The following SLC44A5 variants were observed in gnomAD, a reference collection of about 807,000 sequenced individuals.
The protein encoded by SLC44A5 is solute carrier family 44 member 5.
In SLC44A5, 57 loss-of-function variants were observed where a neutral mutation model predicts 101.8. That is an observed-to-expected ratio of 0.56 (90% CI 0.45 to 0.70). The LOEUF (loss-of-function observed/expected upper bound fraction) is 0.70. Among genes scored for constraint, SLC44A5 ranks in the 30% least tolerant of loss-of-function variants. SLC44A5 has a pLI of 0.00. For synonymous variants in SLC44A5, 281 were observed against 290.9 expected (o/e 0.97, Z 0.35); for missense variants, 737 against 853.1 (o/e 0.86, Z 1.70).
Position 75,219,374 on chromosome 1 carries a change from T to C in SLC44A5, c.1179-30A>G, listed in dbSNP as rs1647029878. The C allele has an allele frequency of 2.1e-6, 3 of 1,441,282 alleles. No homozygotes were observed. In the African/African-American group the frequency reaches 4.2e-5, roughly 20 times the overall value. 89.3% of individuals were successfully genotyped at this position (1,441,282 alleles called of 1,614,324 possible). A position where few individuals can be genotyped will look rare whatever the true frequency, so the allele number is the denominator to read the frequency against. On this transcript the variant is annotated intron_variant, in intron 15 of 23. Transcript: ENST00000370859. ...ATAAACTCCATTAAGGATAAACCAT[T>C]TGCTGGTAGATTGAAAATAAATGGA...
chr1:75,590,699 T>C (rs1348161704), intron 1 of SLC44A5, among the ~76,000 whole-genome samples: 1 of 152,128 alleles, frequency 6.6e-6, no homozygotes, highest in African/African-American at 2.4e-5. Context: ...GTGGTGGCTA[T>C]GGGGTGAGGT....
Position 75,219,238 on chromosome 1 carries a change from AAG to A in SLC44A5, c.1266+17_1266+18del. The A allele has an allele frequency of 1.3e-6, 2 of 1,518,912 alleles. No individual in the cohort carries two copies. Among genetic ancestry groups the A allele is most frequent in the African/African-American group, 2.7e-5 (2 of 73,054 alleles). The allele number at this position is 1,518,912 out of a possible 1,614,324, so 94.1% of individuals were successfully genotyped here. A position where few individuals can be genotyped will look rare whatever the true frequency, so the allele number is the denominator to read the frequency against. On this transcript the variant is annotated intron_variant, in intron 16 of 23. Transcript: ENST00000370859. The stretch of plus-strand genomic sequence containing the variant: ...AGTCTATATTGAAGTAAGTAAATGA[AAG>A]AGTTTCTTGTACTTACCTCTGGGTC...
chr1:75,367,567 T>A (rs1488239416), intron 3 of SLC44A5, among the ~76,000 whole-genome samples: 1 of 152,216 alleles, frequency 6.6e-6, no homozygotes, highest in African/African-American at 2.4e-5. Context: ...GGTCACATAC[T>A]GCTTCAGAGT....
chr1:75,407,682 C>A (rs1442727860), intron 2 of SLC44A5, among the ~76,000 whole-genome samples: 1 of 152,144 alleles, frequency 6.6e-6, no homozygotes, highest in Non-Finnish European at 1.5e-5. Flanking sequence ...AATTTGACCC[C>A]TTCTTTATAC....
intron 4 of SLC44A5, among the ~76,000 whole-genome samples, chr1:75,302,104 G>GTTTTTTTATTTTTT (rs1204998592): frequency 2.0e-5 from 1 of 49,588 alleles, no homozygotes; most frequent in African/African-American, 9.5e-5. Context: ...AGGTGCTCTA[G>GTTTTTTTATTTTTT]TTTTTTTGTT....
chr1:75,324,691 A>G (rs1018357978), intron 4 of SLC44A5, among the ~76,000 whole-genome samples: 2 of 152,204 alleles, frequency 1.3e-5, no homozygotes, highest in African/African-American at 4.8e-5. Context: ...GCCCTTCCTC[A>G]GGAATTTGTA....
Position 75,477,866 on chromosome 1 carries a change from G to A in SLC44A5, c.13+63569C>T, listed in dbSNP as rs536602113. 2.9e-3 allele frequency among the ~76,000 whole-genome samples: 444 copies of A among 152,090 alleles called. 4 individuals are homozygous for A. In the Middle Eastern group the frequency reaches 0.044, roughly 15 times the overall value. On this transcript the variant is annotated intron_variant, in intron 2 of 23. Transcript: ENST00000370859. ...CAGGAGAACTTCCCCAATCTAGCAA[G>A]GCAGGCCAACATTCAGATTCAGGAA...
At chr1:75,551,122 A>G (rs1223846560) in intron 1 of SLC44A5, among the ~76,000 whole-genome samples, 2 of 152,120 alleles carry the variant, frequency 1.3e-5, no homozygotes, top group Non-Finnish European at 2.9e-5. Flanking sequence ...CTTATTCCGT[A>G]TGCTGATTCT....
At chr1:75,330,144 C>CATATGCGTATATGCATAT (rs1656922594) in intron 4 of SLC44A5, among the ~76,000 whole-genome samples, 1 of 100,674 alleles carries the variant, frequency 9.9e-6, no homozygotes, top group African/African-American at 2.7e-5. Flanking sequence ...CACACACATG[C>CATATGCGTATATGCATAT]ATATACGTAT....
rs1168617217 is a variant in SLC44A5, at chr1:75,281,609, G to C, written c.176-6567C>G. Among the ~76,000 whole-genome samples, 3 of 128,812 alleles carry C rather than the reference G, an allele frequency of 2.3e-5. No homozygotes were observed. In the Admixed American group the frequency reaches 2.8e-4, roughly 12 times the overall value. 84.5% of individuals were successfully genotyped at this position (128,812 alleles called of 152,430 possible). A position where few individuals can be genotyped will look rare whatever the true frequency, so the allele number is the denominator to read the frequency against. On this transcript the variant is annotated intron_variant, in intron 5 of 23. Transcript: ENST00000370859. ...GATCACAGGCTCAGAACCTAAGAGG[G>C]GAAATTGTTTCCTGGGCTGGTGCCA...
chr1:75,338,280 T>C (rs1238131316), intron 4 of SLC44A5, among the ~76,000 whole-genome samples: 2 of 152,166 alleles, frequency 1.3e-5, no homozygotes, highest in Non-Finnish European at 2.9e-5. Flanking sequence ...ACTACACGGT[T>C]CCGTCATTAA....
the SLC44A5 span, among the ~76,000 whole-genome samples, chr1:75,692,441 C>A: frequency 6.6e-6 from 1 of 151,902 alleles, no homozygotes; most frequent in East Asian, 1.9e-4. Context: ...GTGATCCGCC[C>A]GCCTCAGCCT....
At chr1:75,367,346 T>C (rs1427517061) in intron 3 of SLC44A5, among the ~76,000 whole-genome samples, 1 of 152,106 alleles carries the variant, frequency 6.6e-6, no homozygotes, top group African/African-American at 2.4e-5. Flanking sequence ...TCCTATGGGG[T>C]CCCTAAGCAG....
chr1:75,589,433 T>C (rs1412367318), intron 1 of SLC44A5, among the ~76,000 whole-genome samples: 1 of 152,222 alleles, frequency 6.6e-6, no homozygotes, highest in Non-Finnish European at 1.5e-5. Flanking sequence ...TAGCTTGCAA[T>C]CAGAAATTTG....
the SLC44A5 span, among the ~76,000 whole-genome samples, chr1:75,701,828 T>C: frequency 6.6e-6 from 1 of 152,154 alleles, no homozygotes; most frequent in African/African-American, 2.4e-5. Context: ...ACAAAATCAA[T>C]GTGCAAAAAT....
At chr1:75,540,969 G>C (rs1671323871) in intron 2 of SLC44A5, among the ~76,000 whole-genome samples, 1 of 152,178 alleles carries the variant, frequency 6.6e-6, no homozygotes, top group South Asian at 2.1e-4. Context: ...TTCTGACACA[G>C]TATTGTTTCT....
At chr1:75,716,711 A>G in the SLC44A5 span, among the ~76,000 whole-genome samples, 1 of 152,126 alleles carries the variant, frequency 6.6e-6, no homozygotes, top group Admixed American at 6.5e-5. Flanking sequence ...AGTCAACCTA[A>G]ATGCCCATCA....
At chr1:75,471,037 A>C (rs538172939) in intron 2 of SLC44A5, among the ~76,000 whole-genome samples, 32 of 152,314 alleles carry the variant, frequency 2.1e-4, no homozygotes, top group African/African-American at 7.5e-4. Context: ...CTATCTTCAA[A>C]TATAATGCAG....
intron 6 of SLC44A5, among the ~76,000 whole-genome samples, chr1:75,267,184 A>G (rs1651066862): frequency 1.3e-5 from 2 of 152,202 alleles, no homozygotes; most frequent in Admixed American, 6.6e-5. Context: ...CTTCTCCTAC[A>G]TGACTGTTCT....
Sources: allele counts gnomAD v4.1 joint callset (sites outside exome capture counted in the v4.1 genomes callset), GRCh38; gene constraint gnomAD v4.1.1; transcripts MANE v1.5; gene names NCBI Gene and HGNC (gene_info 2026-07-23, HGNC 2026-07-21).